The following ABCA13 variants were observed in gnomAD, a reference collection of about 807,000 sequenced individuals.
ABCA13 encodes ATP-binding cassette sub-family A member 13.
In ABCA13, 476 loss-of-function variants were observed where a neutral mutation model predicts 478.7. That is an observed-to-expected ratio of 0.99 (90% CI 0.92 to 1.07). ABCA13 has a LOEUF of 1.07. Among genes scored for constraint, ABCA13 ranks in the 50% least tolerant of loss-of-function variants. ABCA13 has a pLI of 0.00. For synonymous variants in ABCA13, 2,252 were observed against 2,158.9 expected, an observed-to-expected ratio of 1.04 and a Z score of -1.20; for missense variants, 6,060 against 5,910.6, an observed-to-expected ratio of 1.03 and a Z score of -0.83.
intron 29 of ABCA13, among the ~76,000 whole-genome samples, chr7:48,343,697 G>A (rs1467872712): frequency 1.3e-5 from 2 of 152,008 alleles, no homozygotes; most frequent in African/African-American, 4.8e-5. Flanking sequence ...CATCACCTGA[G>A]CAGTATACAC....
At position 48,271,829 on chromosome 7, in the gene ABCA13, G is replaced by A; in HGVS notation, c.2163G>A (p.Lys721=). 1 of 1,560,748 alleles carries A rather than the reference G, an allele frequency of 6.4e-7. No individual in the cohort carries two copies. Among genetic ancestry groups the A allele is most frequent in the Non-Finnish European group, 8.7e-7 (1 of 1,152,152 alleles). The change falls in exon 17 of 62, where the codon AAG becomes AAA. Residue 721 remains lysine, a synonymous_variant. Coordinates refer to ENST00000435803, the MANE Select transcript of ABCA13 (RefSeq NM_152701.5). ...AGCACCTTCTAATGATGGAAAAGAA[G>A]TTGCACACCCTTGAGGATGAACAAA... ...FTKHLLMMEK[K]LHTLEDEQMN...
chr7:48,405,590 G>A lies in ABCA13; in HGVS notation c.12070+1711G>A, dbSNP rs80272837. ...GGGGACTGATGCGGAAGATCAATGG[G>A]AGATAGACAAATAGATAACATTGTC... On this transcript the variant is annotated intron_variant, in intron 39 of 61. Coordinates refer to ENST00000435803, the MANE Select transcript of ABCA13 (RefSeq NM_152701.5). 3.1e-3 allele frequency among the ~76,000 whole-genome samples: 474 copies of A among 152,332 alleles called. 2 individuals carry two copies. The highest frequency in any genetic ancestry group is 0.011 in the African/African-American group (441 of 41,570).
At chr7:48,496,675 A>T (rs977904632) in intron 48 of ABCA13, among the ~76,000 whole-genome samples, 10 of 151,840 alleles carry the variant, frequency 6.6e-5, no homozygotes, top group Non-Finnish European at 1.3e-4. Flanking sequence ...TCTTTATTTC[A>T]CCTTGATTCT....
At chr7:48,416,042 G>A (rs1819931429) in intron 41 of ABCA13, among the ~76,000 whole-genome samples, 3 of 151,962 alleles carry the variant, frequency 2.0e-5, no homozygotes, top group Admixed American at 1.3e-4. Context: ...TCACATCTGA[G>A]ACTAAAATGA....
intron 35 of ABCA13, among the ~76,000 whole-genome samples, chr7:48,380,035 A>G (rs891210638): frequency 7.9e-5 from 12 of 152,210 alleles, no homozygotes; most frequent in African/African-American, 2.9e-4. Context: ...AATAATATTA[A>G]TAATATAAGA....
chr7:48,330,374 C>G (rs1805128625), intron 27 of ABCA13, among the ~76,000 whole-genome samples: 1 of 151,236 alleles, frequency 6.6e-6, no homozygotes, highest in African/African-American at 2.4e-5. Flanking sequence ...CCCATCCATC[C>G]ATCCATTCAT....
At chr7:48,641,012 T>A (rs181718435) in intron 59 of ABCA13, among the ~76,000 whole-genome samples, 4 of 152,326 alleles carry the variant, frequency 2.6e-5, no homozygotes. Context: ...TTTTCGTAAT[T>A]CATGTTCTTC....
intron 10 of ABCA13, among the ~76,000 whole-genome samples, chr7:48,241,380 G>A (rs551906514): frequency 1.1e-4 from 16 of 152,270 alleles, no homozygotes; most frequent in African/African-American, 3.9e-4. Flanking sequence ...CATTTCGGAG[G>A]CATTTTTATG....
At chr7:48,427,095 T>A (rs36035836) in intron 41 of ABCA13, among the ~76,000 whole-genome samples, 41,708 of 151,944 alleles carry the variant, frequency 0.27, 5,858 homozygotes, top group East Asian at 0.37. Context: ...CTGCCAGCGA[T>A]CCAGGTGCAG....
In ABCA13 at chr7:48,372,589, A is replaced by G. The variant is rs369930953; in HGVS notation, c.11133+92A>G. On this transcript the variant is annotated intron_variant, in intron 33 of 61. Transcript: ENST00000435803. ...AAATCCCACCACTCTCACTTTTTCA[A>G]TTTGTCATGTTCATATCTACATGGG... is the stretch of plus-strand genomic sequence containing the variant. The G allele has an allele frequency of 3.8e-5, 41 of 1,074,804 alleles. No homozygotes were observed. In the African/African-American group the frequency reaches 5.4e-4, roughly 14 times the overall value. 66.6% of individuals were successfully genotyped at this position (1,074,804 alleles called of 1,614,324 possible). A position where few individuals can be genotyped will look rare whatever the true frequency, so the allele number is the denominator to read the frequency against.
intron 31 of ABCA13, among the ~76,000 whole-genome samples, chr7:48,359,968 A>G (rs1810559431): frequency 6.6e-6 from 1 of 152,082 alleles, no homozygotes; most frequent in African/African-American, 2.4e-5. Flanking sequence ...GTTTGTGAAG[A>G]TCAGAGTATC....
rs1799711348 is a variant in ABCA13, at chr7:48,298,474, T to A, written c.9308T>A (p.Ile3103Asn). 6.8e-6 allele frequency: 11 copies of A among 1,612,894 alleles called. 1 individual carries two copies. In the South Asian group the frequency reaches 1.2e-4, roughly 18 times the overall value. The change falls in exon 23 of 62, where the codon ATT (isoleucine) becomes AAT (asparagine). Residue 3103 changes from isoleucine (I) to asparagine (N), a missense_variant. Physicochemically the swap from Ile to Asn is moderately radical, Grantham distance 149 (BLOSUM62 -3). This residue lies in a region of ABCA13 where 4,423 missense variants were observed against 4,309.1 expected (regional missense o/e 1.03). Transcript: ENST00000435803. Reference sequence around the variant, plus strand: ...ATCCATAGCATTCTAGAAGCAAATATTTCCCACTCCAAGGTGTGGTGCTGT... The same window carrying A: ...ATCCATAGCATTCTAGAAGCAAATAATTCCCACTCCAAGGTGTGGTGCTGT... Reference protein sequence around the residue: ...ETIHSILEANISHSKVLFSAL... With the variant: ...ETIHSILEANNSHSKVLFSAL...
At chr7:48,253,087 T>C (rs959874431) in intron 15 of ABCA13, among the ~76,000 whole-genome samples, 1 of 152,200 alleles carries the variant, frequency 6.6e-6, no homozygotes, top group African/African-American at 2.4e-5. Context: ...TGCTTTAAAA[T>C]GTATTATTCA....
chr7:48,566,554 A>G (rs1787088982), intron 55 of ABCA13, among the ~76,000 whole-genome samples: 1 of 152,200 alleles, frequency 6.6e-6, no homozygotes, highest in African/African-American at 2.4e-5. Context: ...CACTTCTTCT[A>G]GGTCAGTCAG....
At chr7:48,506,423 C>T in intron 49 of ABCA13, 33 bp downstream of exon 49, 3 of 1,607,098 alleles carry the variant, frequency 1.9e-6, no homozygotes, top group Non-Finnish European at 2.6e-6. Context: ...GGTGTGTGAC[C>T]CTGACTATGG....
At chr7:48,211,349 C>T (rs1785626923) in intron 3 of ABCA13, among the ~76,000 whole-genome samples, 1 of 152,176 alleles carries the variant, frequency 6.6e-6, no homozygotes. Context: ...ATTCCTAAGC[C>T]CAAGAATGCT....
chr7:48,560,273 A>G (rs551782896), intron 55 of ABCA13, among the ~76,000 whole-genome samples: 43 of 152,276 alleles, frequency 2.8e-4, no homozygotes, highest in Non-Finnish European at 5.6e-4. Context: ...TGAGCCCTGC[A>G]TGATTTTGCT....
chr7:48,430,273 G>A (rs1821963246), intron 42 of ABCA13, among the ~76,000 whole-genome samples: 1 of 152,104 alleles, frequency 6.6e-6, no homozygotes, highest in Non-Finnish European at 1.5e-5. Context: ...AGTGTTTTAT[G>A]TCTTTCTAGG....
chr7:48,301,757 G>T (rs1800187553), intron 23 of ABCA13, among the ~76,000 whole-genome samples: 1 of 152,068 alleles, frequency 6.6e-6, no homozygotes, highest in Non-Finnish European at 1.5e-5. Context: ...AGAATGAAGT[G>T]CACACACCCA....
Sources: allele counts gnomAD v4.1 joint callset (sites outside exome capture counted in the v4.1 genomes callset), GRCh38; gene constraint gnomAD v4.1.1; regional missense constraint gnomAD v4.1.1; transcripts MANE v1.5; gene names NCBI Gene and HGNC (gene_info 2026-07-23, HGNC 2026-07-21).